CNBD1: variants seen among roughly 807,000 people sequenced by gnomAD.
CNBD1 encodes cyclic nucleotide-binding domain-containing protein 1.
In CNBD1, 71 loss-of-function variants were observed where a neutral mutation model predicts 54.4. The observed-to-expected ratio is 1.30, with a 90% CI of 1.08 to 1.59. The LOEUF (loss-of-function observed/expected upper bound fraction) is 1.59. Ranked by LOEUF, CNBD1 falls within the 40% of genes most tolerant of loss-of-function variation. The probability of loss-of-function intolerance (pLI) is 0.00; values close to 1 mark genes in which losing one functional copy is unlikely to be tolerated. For synonymous variants in CNBD1, 182 were observed against 170.7 expected (o/e 1.07, Z -0.51); for missense variants, 659 against 518.0 (o/e 1.27, Z -2.64).
intron 2 of CNBD1, among the ~76,000 whole-genome samples, chr8:87,420,027 A>G (rs1807904417): frequency 1.3e-5 from 2 of 151,024 alleles, no homozygotes; most frequent in East Asian, 3.9e-4. Context: ...AGAAAGCACT[A>G]TACATAATGA....
At chr8:87,172,275 G>T (rs536088901) in intron 4 of CNBD1, among the ~76,000 whole-genome samples, 2 of 152,060 alleles carry the variant, frequency 1.3e-5, no homozygotes, top group African/African-American at 2.4e-5. Context: ...TTTAAGACTG[G>T]TTTTGTGACC....
intron 4 of CNBD1, among the ~76,000 whole-genome samples, chr8:86,978,957 C>T (rs1352264483): frequency 1.3e-5 from 2 of 152,032 alleles, no homozygotes; most frequent in Non-Finnish European, 1.5e-5. Flanking sequence ...CTGTATATAG[C>T]TGAACATTCC....
At position 87,221,315 on chromosome 8, in the gene CNBD1, A is replaced by G. The variant is rs76345596; in HGVS notation, c.577+15177A>G. Among the ~76,000 whole-genome samples the G allele has an allele frequency of 1.4e-3, 211 of 152,184 alleles. 2 individuals are homozygous for G. The East Asian group carries it at 0.024, about 17-fold the overall frequency. ...TCCAGTGCTCTCCTAAGTGTGTCCT[A>G]ACCTGCTTTTAAGTGAATTCTTTAA... On this transcript the variant is annotated intron_variant, in intron 5 of 10. Transcript: ENST00000518476.
chr8:87,416,369 A>G (rs2130989410), intron 2 of CNBD1, among the ~76,000 whole-genome samples: 1 of 152,190 alleles, frequency 6.6e-6, no homozygotes, highest in South Asian at 2.1e-4. Flanking sequence ...GCTTGCAGGA[A>G]TCTGGAGAGC....
At chr8:87,342,136 G>A (rs1301826552) in intron 8 of CNBD1, among the ~76,000 whole-genome samples, 1 of 152,140 alleles carries the variant, frequency 6.6e-6, no homozygotes. Flanking sequence ...AGCCGGGCAT[G>A]GTGGCAGGCA....
At chr8:87,009,554 C>T (rs899839268) in intron 4 of CNBD1, among the ~76,000 whole-genome samples, 1 of 152,038 alleles carries the variant, frequency 6.6e-6, no homozygotes, top group Non-Finnish European at 1.5e-5. Flanking sequence ...CCCACCTCAG[C>T]CTCTCAAAGT....
chr8:87,117,133 T>G (rs530239530), intron 4 of CNBD1, among the ~76,000 whole-genome samples: 22 of 152,202 alleles, frequency 1.4e-4, no homozygotes, highest in Admixed American at 9.8e-4. Flanking sequence ...GTGTGGTGGC[T>G]CACGCCTGTA....
intron 6 of CNBD1, among the ~76,000 whole-genome samples, chr8:87,243,907 C>T (rs2336983): frequency 0.67 from 101,501 of 151,730 alleles, 34,390 homozygotes; most frequent in Non-Finnish European, 0.71. Flanking sequence ...CTATGTGTGA[C>T]TGGAGTATAA....
At chr8:87,159,865 A>T (rs1275457691) in intron 4 of CNBD1, among the ~76,000 whole-genome samples, 1 of 152,036 alleles carries the variant, frequency 6.6e-6, no homozygotes, top group African/African-American at 2.4e-5. Flanking sequence ...TCAACTAATG[A>T]TATAGTAGCA....
chr8:87,313,088 C>A (rs761235926), intron 8 of CNBD1, among the ~76,000 whole-genome samples: 6 of 151,952 alleles, frequency 3.9e-5, no homozygotes, highest in Non-Finnish European at 7.4e-5. Flanking sequence ...ACTCTTCACT[C>A]AGAAAGATGG....
intron 4 of CNBD1, among the ~76,000 whole-genome samples, chr8:87,035,467 T>C (rs1412811900): frequency 6.6e-6 from 1 of 152,232 alleles, no homozygotes; most frequent in Non-Finnish European, 1.5e-5. Context: ...TCTTAAACTT[T>C]ATTACATATA....
In CNBD1 at chr8:87,382,752, A is replaced by T; in HGVS notation, c.*125A>T. The stretch of plus-strand genomic sequence containing the variant: ...GGTCTATTGTGACTACATATCCTGG[A>T]TTCCCCAGGAAAGTCCCACTTTCGA... On this transcript the variant is annotated 3_prime_UTR_variant, in exon 11 of 11. Coordinates refer to ENST00000518476, the MANE Select transcript of CNBD1 (RefSeq NM_173538.3). The T allele has an allele frequency of 1.7e-6, 1 of 601,492 alleles. No individual in the cohort carries two copies. Among genetic ancestry groups the T allele is most frequent in the South Asian group, 3.3e-5 (1 of 30,026 alleles). The allele number at this position is 601,492 out of a possible 1,614,324, so 37.3% of individuals were successfully genotyped here.
intron 4 of CNBD1, among the ~76,000 whole-genome samples, chr8:86,940,730 A>G (rs544767157): frequency 6.6e-6 from 1 of 152,298 alleles, no homozygotes; most frequent in East Asian, 1.9e-4. Flanking sequence ...TGAGATTGAT[A>G]ACAGGAACAA....
intron 2 of CNBD1, among the ~76,000 whole-genome samples, chr8:86,894,110 G>A (rs1387543861): frequency 1.7e-5 from 2 of 118,148 alleles, no homozygotes; most frequent in African/African-American, 6.4e-5. Context: ...GCCGGACTGC[G>A]GACTGCAGTG....
At chr8:87,022,680 C>G (rs1809514506) in intron 4 of CNBD1, among the ~76,000 whole-genome samples, 1 of 152,172 alleles carries the variant, frequency 6.6e-6, no homozygotes, top group African/African-American at 2.4e-5. Context: ...TCTGTAACCA[C>G]TATTACTGAA....
intron 8 of CNBD1, among the ~76,000 whole-genome samples, chr8:87,308,951 A>G (rs1465978745): frequency 6.6e-6 from 1 of 152,156 alleles, no homozygotes; most frequent in African/African-American, 2.4e-5. Context: ...ATCGTATTCT[A>G]TTATGTATGC....
At chr8:86,943,806 A>G (rs1186576537) in intron 4 of CNBD1, among the ~76,000 whole-genome samples, 1 of 152,050 alleles carries the variant, frequency 6.6e-6, no homozygotes, top group East Asian at 1.9e-4. Flanking sequence ...AAACAATCAC[A>G]ATAAACAAAA....
intron 5 of CNBD1, among the ~76,000 whole-genome samples, chr8:87,227,840 T>C (rs13259815): frequency 0.54 from 74,041 of 137,228 alleles, 20,413 homozygotes; most frequent in African/African-American, 0.59. Flanking sequence ...GAGTGTTTTC[T>C]AACTTGGTTC....
Position 87,266,438 on chromosome 8 carries a change from C to CTTTTTTTT in CNBD1, c.772-18217_772-18210dup, listed in dbSNP as rs72293236. ...GGTCCAAGTAAAAAAAAAAAAAAAT[C>CTTTTTTTT]TTTTTTTTTTTTTTTTTTTTTTTTT... On this transcript the variant is annotated intron_variant, in intron 6 of 10. Coordinates refer to ENST00000518476, the MANE Select transcript of CNBD1 (RefSeq NM_173538.3). Among the ~76,000 whole-genome samples the CTTTTTTTT allele has an allele frequency of 7.8e-4, 39 of 50,140 alleles. 5 individuals are homozygous for CTTTTTTTT. The highest frequency in any genetic ancestry group is 2.1e-3 in the East Asian group (3 of 1,448). 32.9% of individuals were successfully genotyped at this position (50,140 alleles called of 152,430 possible). A position where few individuals can be genotyped will look rare whatever the true frequency, so the allele number is the denominator to read the frequency against.
Sources: allele counts gnomAD v4.1 joint callset (sites outside exome capture counted in the v4.1 genomes callset), GRCh38; gene constraint gnomAD v4.1.1; transcripts MANE v1.5; gene names NCBI Gene and HGNC (gene_info 2026-07-23, HGNC 2026-07-21).